The following PLCH1 variants were observed in gnomAD, a reference collection of about 807,000 sequenced individuals.
PLCH1 encodes the protein phospholipase C eta 1.
A neutral mutation model predicts 126.7 loss-of-function variants in PLCH1; 60 were observed. That is an observed-to-expected ratio of 0.47 (90% CI 0.38 to 0.59). The LOEUF is 0.59. Among genes scored for constraint, PLCH1 ranks in the 20% least tolerant of loss-of-function variants. The probability of loss-of-function intolerance (pLI) is 0.00; values close to 1 mark genes in which losing one functional copy is unlikely to be tolerated. For synonymous variants in PLCH1, 719 were observed against 734.9 expected (o/e 0.98, Z 0.35); for missense variants, 1,723 against 2,040.0 (o/e 0.84, Z 2.99).
At chr3:155,519,781 T>TA (rs66772251) in intron 11 of PLCH1, among the ~76,000 whole-genome samples, 4,587 of 124,546 alleles carry the variant, frequency 0.037, 115 homozygotes, top group African/African-American at 0.067. Flanking sequence ...ACCTTTGCTT[T>TA]AAAAAAAAAA....
chr3:155,693,758 C>T (rs148525902), intron 2 of PLCH1, among the ~76,000 whole-genome samples: 3,254 of 152,044 alleles, frequency 0.021, 131 homozygotes, highest in African/African-American at 0.074. Context: ...GGTGAAACCC[C>T]GTCTCAACTA....
At chr3:155,468,868 T>C (rs894268586) in intron 21 of PLCH1, among the ~76,000 whole-genome samples, 1 of 152,026 alleles carries the variant, frequency 6.6e-6, no homozygotes, top group African/African-American at 2.4e-5. Flanking sequence ...ATCTTCCAGA[T>C]AGAAAATCAA....
At chr3:155,551,589 T>C (rs1363704355) in intron 9 of PLCH1, among the ~76,000 whole-genome samples, 1 of 151,304 alleles carries the variant, frequency 6.6e-6, no homozygotes, top group African/African-American at 2.4e-5. Context: ...TGAAGACATT[T>C]TTGGTGGTCA....
At chr3:155,543,911 C>A (rs1409050072) in intron 10 of PLCH1, among the ~76,000 whole-genome samples, 73 of 152,170 alleles carry the variant, frequency 4.8e-4, no homozygotes, top group Admixed American at 9.8e-4. Context: ...AAAGGAACAA[C>A]CAGTACCAGC....
At chr3:155,537,769 A>G (rs1344930336) in intron 10 of PLCH1, among the ~76,000 whole-genome samples, 2 of 152,180 alleles carry the variant, frequency 1.3e-5, no homozygotes, top group African/African-American at 4.8e-5. Flanking sequence ...TAGACCTAAG[A>G]AATAATGTAG....
intron 21 of PLCH1, among the ~76,000 whole-genome samples, chr3:155,472,489 T>C (rs1202638678): frequency 5.3e-5 from 8 of 151,290 alleles, no homozygotes; most frequent in Non-Finnish European, 1.2e-4. Flanking sequence ...AGCCGAATTC[T>C]ACCAGAGGTA....
chr3:155,488,819 G>A lies in PLCH1; in HGVS notation c.2393-13C>T. 1 of 1,594,680 alleles carries A rather than the reference G, an allele frequency of 6.3e-7. No individual in the cohort carries two copies. Among genetic ancestry groups the A allele is most frequent in the Non-Finnish European group, 8.5e-7 (1 of 1,174,196 alleles). ...ACAGGGTTAAATCCTCAGAGAAATA[G>A]GAAAAGAAAAATCAGAAAAGCAAAG... On this transcript the variant is annotated splice_polypyrimidine_tract_variant and intron_variant, in intron 19 of 22. Transcript: ENST00000460012.
intron 19 of PLCH1, among the ~76,000 whole-genome samples, chr3:155,490,259 G>A (rs1367350811): frequency 6.6e-6 from 1 of 152,048 alleles, no homozygotes; most frequent in African/African-American, 2.4e-5. Flanking sequence ...ATGAGGCTTG[G>A]GTAAAGAAAA....
rs1732978192 is a variant in PLCH1 at position 155,596,284 on chromosome 3, C to T, written c.174G>A (p.Glu58=). ...GTCGCCATCGGAGGCGTGTCCGGTG[C>T]TCATCCAGGTAAAAGAGGCGGACAA... ...KGLVRLFYLD[E]HRTRLRWRPS... Residue 58 remains glutamate, a synonymous_variant, in exon 3 of 23, where the codon GAG becomes GAA. Coordinates refer to ENST00000460012, the MANE Select transcript of PLCH1 (RefSeq NM_014996.4). 6.2e-7 allele frequency: 1 copy of T among 1,613,560 alleles called. No homozygotes were observed.
intron 8 of PLCH1, among the ~76,000 whole-genome samples, chr3:155,562,250 A>G (rs180956599): frequency 5.9e-5 from 9 of 152,290 alleles, no homozygotes; most frequent in Admixed American, 2.6e-4. Flanking sequence ...ATGCTCACCC[A>G]TGACACAATC....
Position 155,537,216 on chromosome 3 carries a change from A to AC in PLCH1, c.1362+12570_1362+12571insG, listed in dbSNP as rs1723532060. Among the ~76,000 whole-genome samples the AC allele has an allele frequency of 2.6e-4, 3 of 11,326 alleles. No individual in the cohort carries two copies. The Non-Finnish European group carries it at 4.3e-3, about 16-fold the overall frequency. The allele number at this position is 11,326 out of a possible 152,430, so 7.4% of individuals were successfully genotyped here. On this transcript the variant is annotated intron_variant, in intron 10 of 22. Coordinates refer to ENST00000460012, the MANE Select transcript of PLCH1 (RefSeq NM_014996.4). The stretch of plus-strand genomic sequence containing the variant: ...AAAAAAAAAACCAAAAAAAAAAAAA[A>AC]AAAAAAAAAAAAAAAAACCTAAAAG...
chr3:155,545,266 G>A (rs1175661708), intron 10 of PLCH1, among the ~76,000 whole-genome samples: 4,705 of 149,622 alleles, frequency 0.031, 143 homozygotes, highest in African/African-American at 0.11. Context: ...ACACCTCTAC[G>A]CAAATAAACT....
intron 12 of PLCH1, among the ~76,000 whole-genome samples, chr3:155,506,230 T>G (rs903436202): frequency 1.3e-5 from 2 of 152,032 alleles, no homozygotes; most frequent in Admixed American, 6.6e-5. Context: ...GAAAGTTAGA[T>G]TATATGCCCA....
downstream of PLCH1, among the ~76,000 whole-genome samples, chr3:155,477,100 A>G (rs775367232): frequency 6.6e-6 from 1 of 152,062 alleles, no homozygotes; most frequent in Non-Finnish European, 1.5e-5. Flanking sequence ...AAATCCACAC[A>G]CCTACAGTGA....
rs111611014 is a variant in PLCH1 at position 155,538,575 on chromosome 3, C to T, written c.1362+11212G>A. 5.6e-3 allele frequency among the ~76,000 whole-genome samples: 848 copies of T among 152,066 alleles called. 5 individuals are homozygous for T. Among genetic ancestry groups the T allele is most frequent in the Non-Finnish European group, 7.1e-3 (485 of 67,934 alleles). ...GAAACAAAATGAGAGATATTACAAC[C>T]GATATCACAGAAATACAAAAGTTCA... is the stretch of plus-strand genomic sequence containing the variant. On this transcript the variant is annotated intron_variant, in intron 10 of 22. Coordinates refer to ENST00000460012, the MANE Select transcript of PLCH1 (RefSeq NM_014996.4).
rs142014749 is a variant in PLCH1 at position 155,512,634 on chromosome 3, G to A, written c.1632+2089C>T. 2.8e-3 allele frequency among the ~76,000 whole-genome samples: 422 copies of A among 152,286 alleles called. 1 individual carries two copies. The highest frequency in any genetic ancestry group is 0.015 in the South Asian group (73 of 4,828). ...TATGAAAGCCATGTGGTAAGAGCAC[G>A]GTACCAGGAAATGAAGAAAGTGGAG... On this transcript the variant is annotated intron_variant, in intron 12 of 22. Transcript: ENST00000460012.
intron 10 of PLCH1, among the ~76,000 whole-genome samples, chr3:155,536,666 T>A (rs1723398086): frequency 6.6e-6 from 1 of 151,772 alleles, no homozygotes; most frequent in South Asian, 2.1e-4. Context: ...CTGGAAGAAG[T>A]TTGGGATTAT....
At chr3:155,599,680 C>G (rs1733470436) in intron 2 of PLCH1, among the ~76,000 whole-genome samples, 1 of 152,180 alleles carries the variant, frequency 6.6e-6, no homozygotes, top group Non-Finnish European at 1.5e-5. Flanking sequence ...TATCAGAGAT[C>G]TAACAGCAAG....
intron 21 of PLCH1, chr3:155,486,301 C>T (rs1293047198): frequency 1.4e-6 from 1 of 709,694 alleles, no homozygotes; most frequent in Non-Finnish European, 2.4e-6. Context: ...GCATACATGT[C>T]TATAAACCCT....
Sources: allele counts gnomAD v4.1 joint callset (sites outside exome capture counted in the v4.1 genomes callset), GRCh38; gene constraint gnomAD v4.1.1; transcripts MANE v1.5; gene names NCBI Gene and HGNC (gene_info 2026-07-23, HGNC 2026-07-21).